PLCZ1: variants seen among roughly 807,000 people sequenced by gnomAD.
PLCZ1 encodes phospholipase C zeta 1.
In PLCZ1, 64 loss-of-function variants were observed where a neutral mutation model predicts 76.8. That is an observed-to-expected ratio of 0.83 (90% CI 0.68 to 1.03). The LOEUF (loss-of-function observed/expected upper bound fraction) is 1.03, where lower values mean the gene tolerates loss of function less well. Ranked by LOEUF, PLCZ1 falls within the 50% of genes least tolerant of loss-of-function variation. The pLI is 0.00. For synonymous variants in PLCZ1, 248 were observed against 230.8 expected, an observed-to-expected ratio of 1.07 and a Z score of -0.68; for missense variants, 751 against 713.7, an observed-to-expected ratio of 1.05 and a Z score of -0.60.
At chr12:18,690,071 A>G (rs1417898317) in intron 12 of PLCZ1, among the ~76,000 whole-genome samples, 4 of 152,116 alleles carry the variant, frequency 2.6e-5, no homozygotes, top group African/African-American at 9.7e-5. Context: ...TTCCACCTTC[A>G]CTTTCTCAAT....
the PLCZ1 span, among the ~76,000 whole-genome samples, chr12:18,653,828 G>A: frequency 6.6e-6 from 1 of 152,162 alleles, no homozygotes; most frequent in East Asian, 1.9e-4. Context: ...GGAACTCTTT[G>A]TATAAAGAGA....
chr12:18,664,844 C>T, the PLCZ1 span, among the ~76,000 whole-genome samples: 1 of 151,528 alleles, frequency 6.6e-6, no homozygotes, highest in African/African-American at 2.4e-5. Context: ...ATGATGAGTT[C>T]ATGTCCTTTG....
At chr12:18,720,924 A>G (rs984104199) in intron 4 of PLCZ1, among the ~76,000 whole-genome samples, 1 of 152,124 alleles carries the variant, frequency 6.6e-6, no homozygotes, top group Non-Finnish European at 1.5e-5. Context: ...ATAAAAATGA[A>G]GAAGACAGCA....
intron 3 of PLCZ1, among the ~76,000 whole-genome samples, chr12:18,729,148 T>G (rs1958911472): frequency 6.6e-6 from 1 of 152,098 alleles, no homozygotes; most frequent in East Asian, 1.9e-4. Context: ...GGTCTACCAT[T>G]CAAGGTTTCC....
chr12:18,680,531 G>A (rs574511106), downstream of PLCZ1, among the ~76,000 whole-genome samples: 8 of 152,112 alleles, frequency 5.3e-5, no homozygotes, highest in South Asian at 1.7e-3. Flanking sequence ...ATAAGTCTGG[G>A]TAGAGAGACT....
At chr12:18,650,766 T>G in the PLCZ1 span, among the ~76,000 whole-genome samples, 2 of 109,184 alleles carry the variant, frequency 1.8e-5, no homozygotes, top group African/African-American at 6.3e-5. Flanking sequence ...ATATATATAT[T>G]CCAGTCCATC....
At chr12:18,701,664 ACTT>A (rs750360917) in intron 8 of PLCZ1, 25 bp downstream of exon 8, 62 of 1,600,624 alleles carry the variant, frequency 3.9e-5, no homozygotes, top group Admixed American at 5.1e-5. Flanking sequence ...TCCATCTGCC[ACTT>A]CTTCTTCCCA....
chr12:18,647,868 G>GT, the PLCZ1 span: 1 of 1,464,226 alleles, frequency 6.8e-7, no homozygotes, highest in Non-Finnish European at 9.2e-7. Context: ...TATTTTCTCC[G>GT]TTTTTAGGTA....
chr12:18,663,700 A>T, the PLCZ1 span, among the ~76,000 whole-genome samples: 1 of 152,148 alleles, frequency 6.6e-6, no homozygotes, highest in Non-Finnish European at 1.5e-5. Context: ...ATGATTTGTG[A>T]GACATGACAC....
the PLCZ1 span, among the ~76,000 whole-genome samples, chr12:18,664,653 T>C: frequency 4.6e-5 from 7 of 152,084 alleles, no homozygotes; most frequent in East Asian, 2.0e-4. Flanking sequence ...CATCCCATTA[T>C]TGGGTATATA....
the PLCZ1 span, among the ~76,000 whole-genome samples, chr12:18,663,681 G>A: frequency 1.3e-5 from 2 of 151,868 alleles, no homozygotes; most frequent in African/African-American, 4.8e-5. Context: ...TATGATGTTG[G>A]ATTTGGCAAT....
At chr12:18,648,982 A>T in the PLCZ1 span, among the ~76,000 whole-genome samples, 4 of 152,104 alleles carry the variant, frequency 2.6e-5, no homozygotes, top group Admixed American at 2.0e-4. Context: ...CACCTCCTCT[A>T]TATCATATGA....
downstream of PLCZ1, among the ~76,000 whole-genome samples, chr12:18,679,164 T>C (rs1952199451): frequency 6.6e-6 from 1 of 152,126 alleles, no homozygotes; most frequent in Admixed American, 6.6e-5. Context: ...TGCCCATTTT[T>C]CTTACTGGGT....
At chr12:18,666,244 A>G in the PLCZ1 span, among the ~76,000 whole-genome samples, 1 of 151,740 alleles carries the variant, frequency 6.6e-6, no homozygotes, top group Non-Finnish European at 1.5e-5. Context: ...GTCTTTTTAT[A>G]TCTTTAATTT....
At chr12:18,684,423 C>T in intron 13 of PLCZ1, 144 bp from the exon 14 acceptor site, 1 of 709,660 alleles carries the variant, frequency 1.4e-6, no homozygotes, top group Non-Finnish European at 2.3e-6. Flanking sequence ...TTAATATACT[C>T]AGTGTGAGAG....
downstream of PLCZ1, among the ~76,000 whole-genome samples, chr12:18,682,636 A>G (rs1022224067): frequency 2.6e-5 from 4 of 152,052 alleles, no homozygotes; most frequent in African/African-American, 9.7e-5. Flanking sequence ...CACACAGTAG[A>G]TCTCTTTTAT....
intron 10 of PLCZ1, among the ~76,000 whole-genome samples, 190 bp downstream of exon 10, chr12:18,699,600 GTTAA>G (rs1955613352): frequency 6.6e-6 from 1 of 152,066 alleles, no homozygotes; most frequent in South Asian, 2.1e-4. Flanking sequence ...GCTTAGGAAA[GTTAA>G]TTAATGGCTA....
At chr12:18,654,286 C>T in the PLCZ1 span, among the ~76,000 whole-genome samples, 3 of 87,496 alleles carry the variant, frequency 3.4e-5, no homozygotes, top group East Asian at 1.1e-3. Flanking sequence ...AAAAGAAACA[C>T]TAGTACCTAA....
At chr12:18,721,339 T>A (rs1958425235) in intron 4 of PLCZ1, among the ~76,000 whole-genome samples, 1 of 152,100 alleles carries the variant, frequency 6.6e-6, no homozygotes, top group Non-Finnish European at 1.5e-5. Flanking sequence ...TATAAGATCA[T>A]AATTCAAATT....
Sources: allele counts gnomAD v4.1 joint callset (sites outside exome capture counted in the v4.1 genomes callset), GRCh38; gene constraint gnomAD v4.1.1; transcripts MANE v1.5; gene names NCBI Gene and HGNC (gene_info 2026-07-23, HGNC 2026-07-21).